APAF1: variants seen among roughly 807,000 people sequenced by gnomAD.
APAF1 encodes apoptotic peptidase activating factor 1, also known as apoptotic protease-activating factor 1.
APAF1 carries 91 observed loss-of-function variants against 152.4 expected under a neutral mutation model. That is an observed-to-expected ratio of 0.60 (90% CI 0.50 to 0.71). APAF1 has a LOEUF of 0.71. Among genes scored for constraint, APAF1 ranks in the 30% least tolerant of loss-of-function variants. APAF1 has a pLI of 0.00. For synonymous variants in APAF1, 484 were observed against 494.1 expected, an observed-to-expected ratio of 0.98 and a Z score of 0.27; for missense variants, 1,283 against 1,472.0, an observed-to-expected ratio of 0.87 and a Z score of 2.10.
intron 5 of APAF1, among the ~76,000 whole-genome samples, chr12:98,661,487 AT>A (rs1185137354): frequency 6.6e-6 from 1 of 151,364 alleles, no homozygotes; most frequent in Non-Finnish European, 1.5e-5. Context: ...TTTTATTTTT[AT>A]TTTTTTAGAT....
At chr12:98,713,902 A>G (rs565090645) in intron 21 of APAF1, among the ~76,000 whole-genome samples, 1 of 152,294 alleles carries the variant, frequency 6.6e-6, no homozygotes, top group South Asian at 2.1e-4. Context: ...ATACTCTTAT[A>G]TATTTGTCAT....
Position 98,686,788 on chromosome 12 carries a change from T to A in APAF1, c.2219T>A (p.Phe740Tyr). 6.2e-7 allele frequency: 1 copy of A among 1,613,918 alleles called. No individual in the cohort carries two copies. The highest frequency in any genetic ancestry group is 8.5e-7 in the Non-Finnish European group (1 of 1,179,904). ...LNQKECRNTM[F>Y]GHTNSVNHCR... is the part of the protein sequence containing the mutation. ...CAAAAAGAATGTCGAAATACCATGT[T>A]TGGTCATACAAATTCAGTCAATCAC... The change falls in exon 16 of 27, where the codon TTT (phenylalanine) becomes TAT (tyrosine). Residue 740 changes from phenylalanine (F) to tyrosine (Y), a missense_variant. Physicochemically the swap from Phe to Tyr is conservative, Grantham distance 22. Coordinates refer to ENST00000551964, the MANE Select transcript of APAF1 (RefSeq NM_181861.2).
At chr12:98,675,755 C>G (rs1443819751) in intron 12 of APAF1, among the ~76,000 whole-genome samples, 1 of 152,148 alleles carries the variant, frequency 6.6e-6, no homozygotes, top group African/African-American at 2.4e-5. Context: ...GGTCCTAGAA[C>G]CAATCCCTCA....
intron 13 of APAF1, among the ~76,000 whole-genome samples, chr12:98,678,025 G>A (rs1268053490): frequency 1.3e-5 from 2 of 151,494 alleles, no homozygotes; most frequent in Non-Finnish European, 3.0e-5. Context: ...ATATTAATGA[G>A]TACTTTTCTT....
intron 5 of APAF1, 69 bp from the exon 6 acceptor site, chr12:98,662,387 G>A (rs891342522): frequency 5.1e-6 from 6 of 1,168,008 alleles, no homozygotes; most frequent in Non-Finnish European, 7.7e-6. Flanking sequence ...AGACACTGGT[G>A]GGATTATCTT....
At chr12:98,719,085 C>T (rs1344805839) in intron 22 of APAF1, among the ~76,000 whole-genome samples, 1 of 152,158 alleles carries the variant, frequency 6.6e-6, no homozygotes, top group Non-Finnish European at 1.5e-5. Flanking sequence ...TAGGGTTGTT[C>T]TGGTTAATTT....
intron 21 of APAF1, 138 bp downstream of exon 21, chr12:98,712,573 G>A (rs927958743): frequency 1.5e-6 from 1 of 661,480 alleles, no homozygotes; most frequent in South Asian, 1.7e-5. Context: ...GCTGAGTACA[G>A]TGACACGATC....
chr12:98,662,864 G>A (rs1273192578), intron 7 of APAF1, 58 bp downstream of exon 7: 5 of 1,532,240 alleles, frequency 3.3e-6, no homozygotes, highest in Non-Finnish European at 4.5e-6. Context: ...TTTCCCTTTT[G>A]TTAATTGAGC....
At chr12:98,654,816 CTT>C (rs758991431) in intron 4 of APAF1, among the ~76,000 whole-genome samples, 6,419 of 116,786 alleles carry the variant, frequency 0.055, 187 homozygotes, top group Middle Eastern at 0.15. Flanking sequence ...GTAGTATTTT[CTT>C]TTTTTTTTTT....
At chr12:98,663,904 C>T (rs935719513) in intron 7 of APAF1, among the ~76,000 whole-genome samples, 9 of 152,238 alleles carry the variant, frequency 5.9e-5, no homozygotes, top group Middle Eastern at 3.4e-3. Flanking sequence ...GGTGATTGCC[C>T]GCCTCAGCCT....
At chr12:98,711,124 G>T (rs2097727523) in intron 20 of APAF1, among the ~76,000 whole-genome samples, 1 of 152,180 alleles carries the variant, frequency 6.6e-6, no homozygotes, top group Non-Finnish European at 1.5e-5. Flanking sequence ...GGTGAATTGG[G>T]ATATGGAATT....
chr12:98,686,966 A>G (rs2097698660), intron 16 of APAF1, 93 bp downstream of exon 16: 6 of 1,296,312 alleles, frequency 4.6e-6, no homozygotes, highest in African/African-American at 1.5e-5. Context: ...TCACATTTCT[A>G]CAGAAAGAGC....
Position 98,686,797 on chromosome 12 carries a change from C to T in APAF1, c.2228C>T (p.Thr743Ile), listed in dbSNP as rs1377038331. 3 of 1,613,610 alleles carry T rather than the reference C, an allele frequency of 1.9e-6. No individual in the cohort carries two copies. Among genetic ancestry groups the T allele is most frequent in the African/African-American group, 2.7e-5 (2 of 74,892 alleles). The change falls in exon 16 of 27, where the codon ACA (threonine) becomes ATA (isoleucine). Residue 743 changes from threonine to isoleucine, a missense_variant. Coordinates refer to ENST00000551964, the MANE Select transcript of APAF1 (RefSeq NM_181861.2). ...KECRNTMFGH[T>I]NSVNHCRFSP... ...TGTCGAAATACCATGTTTGGTCATA[C>T]AAATTCAGTCAATCACTGCAGATTT... is the stretch of plus-strand genomic sequence containing the variant.
At chr12:98,682,179 G>T (rs916280713) in intron 14 of APAF1, among the ~76,000 whole-genome samples, 1 of 148,066 alleles carries the variant, frequency 6.8e-6, no homozygotes, top group South Asian at 2.2e-4. Flanking sequence ...TCAGCCTCCC[G>T]AGTAGCTGGG....
intron 7 of APAF1, among the ~76,000 whole-genome samples, chr12:98,665,239 A>G (rs1051859008): frequency 5.8e-5 from 7 of 121,266 alleles, no homozygotes; most frequent in African/African-American, 2.1e-4. Context: ...GTCTCATTAT[A>G]TTGCTTAGAC....
chr12:98,648,413 G>C lies in APAF1; in HGVS notation c.54G>C (p.Lys18Asn). ...TTCAACATAGAGAAGCTCTGGAAAA[G>C]GACATCAAGACATCCTACATCATGG... ...CLLQHREALEKDIKTSYIMDH... is the reference protein window; with the variant it reads ...CLLQHREALENDIKTSYIMDH... The change falls in exon 2 of 27, where the codon AAG becomes AAC. Residue 18 changes from lysine to asparagine, a missense_variant. Transcript: ENST00000551964. The C allele has an allele frequency of 1.2e-6, 2 of 1,614,044 alleles. No individual in the cohort carries two copies. Among genetic ancestry groups the C allele is most frequent in the East Asian group, 2.2e-5 (1 of 44,858 alleles).
intron 4 of APAF1, among the ~76,000 whole-genome samples, chr12:98,651,696 T>C (rs2097649203): frequency 6.6e-6 from 1 of 152,208 alleles, no homozygotes; most frequent in African/African-American, 2.4e-5. Flanking sequence ...AGTGTCACCC[T>C]GTTGCCCAGG....
intron 9 of APAF1, among the ~76,000 whole-genome samples, chr12:98,666,602 A>G (rs2097673075): frequency 6.6e-6 from 1 of 152,202 alleles, no homozygotes; most frequent in Non-Finnish European, 1.5e-5. Context: ...CCCGTATTGC[A>G]TATGATTGTC....
intron 16 of APAF1, among the ~76,000 whole-genome samples, chr12:98,698,800 CTT>C (rs1401026264): frequency 6.6e-6 from 1 of 152,172 alleles, no homozygotes; most frequent in Non-Finnish European, 1.5e-5. Context: ...AGGCCTTTGT[CTT>C]TTGTGCTATT....
Sources: allele counts gnomAD v4.1 joint callset (sites outside exome capture counted in the v4.1 genomes callset), GRCh38; gene constraint gnomAD v4.1.1; transcripts MANE v1.5; gene names NCBI Gene and HGNC (gene_info 2026-07-23, HGNC 2026-07-21).